The following SNX29 variants were observed in gnomAD, a reference collection of about 807,000 sequenced individuals.
SNX29 encodes sorting nexin 29, also known as sorting nexin-29.
SNX29 carries 78 observed loss-of-function variants against 102.1 expected under a neutral mutation model. The ratio of observed to expected loss-of-function variants is 0.76; its 90% CI spans 0.64 to 0.92. SNX29 has a LOEUF of 0.92. Among genes scored for constraint, SNX29 ranks in the 40% least tolerant of loss-of-function variants. The pLI, the probability that SNX29 is intolerant of heterozygous loss-of-function variation, is 0.00. For synonymous variants in SNX29, 580 were observed against 414.5 expected (o/e 1.40, Z -4.85); for missense variants, 1,280 against 1,061.7 (o/e 1.21, Z -2.86).
At chr16:12,463,823 T>A (rs2086923545) in intron 18 of SNX29, among the ~76,000 whole-genome samples, 1 of 137,314 alleles carries the variant, frequency 7.3e-6, no homozygotes, top group Non-Finnish European at 1.5e-5. Context: ...AGTGAGTGTG[T>A]GTGTGTGTGT....
chr16:12,490,734 T>A (rs540256502), intron 19 of SNX29, among the ~76,000 whole-genome samples: 3 of 152,364 alleles, frequency 2.0e-5, no homozygotes, highest in African/African-American at 7.2e-5. Context: ...AATTAACAGC[T>A]GTTCACATTT....
In SNX29 at chr16:12,327,007, C is replaced by A. The variant is rs142649026; in HGVS notation, c.1783-29156C>A. Among the ~76,000 whole-genome samples, 20 of 152,198 alleles carry A rather than the reference C, an allele frequency of 1.3e-4. No individual in the cohort carries two copies. The East Asian group carries it at 3.3e-3, about 25-fold the overall frequency. On this transcript the variant is annotated intron_variant, in intron 15 of 20. Coordinates refer to ENST00000566228, the MANE Select transcript of SNX29 (RefSeq NM_032167.5). ...GGGCGTGGCTGATGATGGGGTTGAC[C>A]GATGGGGCTGATGGGCTGCTGGGTT...
intron 20 of SNX29, among the ~76,000 whole-genome samples, chr16:12,540,998 A>G (rs781599139): frequency 2.0e-5 from 3 of 152,186 alleles, no homozygotes; most frequent in Non-Finnish European, 2.9e-5. Context: ...TGGTGAGCTC[A>G]CTGCGGGTTT....
intron 13 of SNX29, among the ~76,000 whole-genome samples, chr16:12,178,370 A>C (rs2076308033): frequency 6.6e-6 from 1 of 152,116 alleles, no homozygotes; most frequent in Admixed American, 6.5e-5. Context: ...GGGAGGTTTA[A>C]GTCATGCTCA....
chr16:12,540,667 C>CA (rs1222656612), intron 20 of SNX29, among the ~76,000 whole-genome samples: 2 of 152,212 alleles, frequency 1.3e-5, no homozygotes, highest in African/African-American at 2.4e-5. Context: ...AATGTAACCA[C>CA]AGCTGCTGGT....
intron 13 of SNX29, among the ~76,000 whole-genome samples, chr16:12,168,694 C>G (rs747849174): frequency 7.9e-5 from 12 of 152,208 alleles, no homozygotes; most frequent in Non-Finnish European, 1.6e-4. Flanking sequence ...GCGCTTCAGC[C>G]ACATTTCTGG....
chr16:12,555,658 C>G (rs923175542), intron 20 of SNX29, among the ~76,000 whole-genome samples: 1 of 152,064 alleles, frequency 6.6e-6, no homozygotes, highest in East Asian at 2.0e-4. Context: ...CAGACCCTGT[C>G]ACTCCTGCAC....
At chr16:12,233,060 T>G (rs2077817631) in intron 14 of SNX29, among the ~76,000 whole-genome samples, 1 of 152,212 alleles carries the variant, frequency 6.6e-6, no homozygotes. Flanking sequence ...CTTGATTTGC[T>G]GGAAATGCCT....
At chr16:12,003,952 T>A (rs1322301269) in intron 3 of SNX29, among the ~76,000 whole-genome samples, 4 of 151,230 alleles carry the variant, frequency 2.6e-5, no homozygotes, top group Non-Finnish European at 5.9e-5. Flanking sequence ...TGGGGAAAAT[T>A]AAGGGTTTAG....
rs770908787 is a variant in SNX29 at position 12,048,257 on chromosome 16, A to C, written c.500-115A>C. ...CCGCATGGGAGGTATTTTTATACCT[A>C]TTTAAGATCAACGTGCCTCCTCTTC... On this transcript the variant is annotated intron_variant, in intron 6 of 20. Coordinates refer to ENST00000566228, the MANE Select transcript of SNX29 (RefSeq NM_032167.5). The C allele has an allele frequency of 8.8e-6, 13 of 1,483,686 alleles. No homozygotes were observed. The African/African-American group carries it at 1.8e-4, about 21-fold the overall frequency. The allele number at this position is 1,483,686 out of a possible 1,614,324, so 91.9% of individuals were successfully genotyped here. A position where few individuals can be genotyped will look rare whatever the true frequency, so the allele number is the denominator to read the frequency against.
intron 15 of SNX29, among the ~76,000 whole-genome samples, chr16:12,325,984 C>T (rs554608786): frequency 1.5e-3 from 228 of 151,902 alleles, no homozygotes; most frequent in African/African-American, 4.8e-3. Context: ...GAGCTGTAAT[C>T]ACACACTGCA....
At chr16:12,270,525 C>A (rs1342613175) in intron 14 of SNX29, among the ~76,000 whole-genome samples, 1 of 152,204 alleles carries the variant, frequency 6.6e-6, no homozygotes, top group Non-Finnish European at 1.5e-5. Flanking sequence ...AATGGTCTCT[C>A]ATGCCTTGAC....
At chr16:12,384,893 G>C (rs2083291582) in intron 16 of SNX29, among the ~76,000 whole-genome samples, 1 of 152,210 alleles carries the variant, frequency 6.6e-6, no homozygotes. Context: ...TGTGGAGGCC[G>C]GGCATGGTGG....
chr16:12,545,471 T>A (rs560532471), intron 20 of SNX29: 3 of 152,228 alleles, frequency 2.0e-5, no homozygotes, highest in Non-Finnish European at 4.4e-5. Context: ...AGGATGCCAG[T>A]GACTCTCCTC....
chr16:12,434,790 T>G (rs753281156), intron 18 of SNX29, among the ~76,000 whole-genome samples: 1 of 152,008 alleles, frequency 6.6e-6, no homozygotes, highest in Non-Finnish European at 1.5e-5. Flanking sequence ...GATGTTAACC[T>G]GTAAGGAAAG....
chr16:12,169,210 TAAG>T (rs1234085677), intron 13 of SNX29, among the ~76,000 whole-genome samples: 4 of 152,212 alleles, frequency 2.6e-5, no homozygotes, highest in African/African-American at 9.6e-5. Context: ...GCTGTTCTTT[TAAG>T]AAGGAGAAGC....
intron 14 of SNX29, among the ~76,000 whole-genome samples, chr16:12,206,533 G>GA (rs2077048293): frequency 6.6e-6 from 1 of 152,144 alleles, no homozygotes; most frequent in African/African-American, 2.4e-5. Flanking sequence ...TAGCTCCCAT[G>GA]AGTCAGTACA....
At chr16:12,036,334 CTT>C (rs1217078180) in intron 4 of SNX29, among the ~76,000 whole-genome samples, 32 of 78,470 alleles carry the variant, frequency 4.1e-4, no homozygotes, top group East Asian at 1.3e-3. Flanking sequence ...TTCTTTCTTT[CTT>C]TTTTTTTTTT....
chr16:12,263,868 G>C (rs1189128777), intron 14 of SNX29, among the ~76,000 whole-genome samples: 2 of 152,162 alleles, frequency 1.3e-5, no homozygotes, highest in Non-Finnish European at 2.9e-5. Context: ...TGTTTCATGG[G>C]TTCTGAGAAG....
Sources: gnomAD v4.1 joint callset for allele counts (sites outside exome capture counted in the v4.1 genomes callset) on GRCh38, gnomAD v4.1.1 for gene constraint, MANE v1.5 for transcripts, NCBI Gene and HGNC (gene_info 2026-07-23, HGNC 2026-07-21) for gene names.